Variants in CLTA observed in about 807,000 individuals in gnomAD.
The protein encoded by CLTA is clathrin, light polypeptide (Lca).
In CLTA, 9 loss-of-function variants were observed where a neutral mutation model predicts 26.9. That is an observed-to-expected ratio of 0.33 (90% CI 0.20 to 0.58). The LOEUF is 0.58. CLTA is among the 20% of genes least tolerant of loss of function. CLTA has a pLI of 0.85. For missense variants in CLTA, 278 were observed against 294.2 expected, an observed-to-expected ratio of 0.94 and a Z score of 0.40; for synonymous variants, 120 against 115.5, an observed-to-expected ratio of 1.04 and a Z score of -0.25.
Position 36,210,701 on chromosome 9 carries a change from A to G in CLTA, c.486-902A>G, listed in dbSNP as rs778459238. On this transcript the variant is annotated intron_variant, in intron 4 of 4. Transcript: ENST00000345519. ...CTCACTGCCCCTAACTGTGTGTGCC[A>G]TGAAGTCGCAGTGTTGTAGTGGCTC... The G allele has an allele frequency of 1.1e-5, 18 of 1,612,956 alleles. No homozygotes were observed. In the Middle Eastern group the frequency reaches 5.0e-4, roughly 44 times the overall value.
intron 4 of CLTA, among the ~76,000 whole-genome samples, chr9:36,208,660 A>G (rs1827857246): frequency 6.6e-6 from 1 of 152,168 alleles, no homozygotes; most frequent in South Asian, 2.1e-4. Flanking sequence ...CCAAGATAAA[A>G]CTGGCTTTGG....
At position 36,191,023 on chromosome 9, in the gene CLTA, C is replaced by T; in HGVS notation, c.-34C>T. The stretch of plus-strand genomic sequence containing the variant: ...TCGGTGGGTCGGTTGGTTTTTGTCT[C>T]ACCGTTGGTGTCCGTGCCGTTCAGT... On this transcript the variant is annotated 5_prime_UTR_variant, in exon 1 of 5. Transcript: ENST00000345519. The T allele has an allele frequency of 6.7e-7, 1 of 1,492,312 alleles. No individual in the cohort carries two copies. Among genetic ancestry groups the T allele is most frequent in the Middle Eastern group, 1.8e-4 (1 of 5,564 alleles). The allele number at this position is 1,492,312 out of a possible 1,614,324, so 92.4% of individuals were successfully genotyped here. A position where few individuals can be genotyped will look rare whatever the true frequency, so the allele number is the denominator to read the frequency against.
chr9:36,193,890 G>A (rs1414048296), intron 1 of CLTA, among the ~76,000 whole-genome samples: 3 of 152,178 alleles, frequency 2.0e-5, no homozygotes, highest in Admixed American at 6.6e-5. Context: ...CAGCTGTGGG[G>A]GATATTGAGG....
chr9:36,194,441 A>C (rs1459945302), intron 1 of CLTA, among the ~76,000 whole-genome samples: 2 of 152,254 alleles, frequency 1.3e-5, no homozygotes, highest in Non-Finnish European at 2.9e-5. Context: ...AATCTCATGC[A>C]TGATAGTTAA....
intron 4 of CLTA, chr9:36,210,450 C>T (rs1054804673): frequency 1.6e-5 from 6 of 368,232 alleles, no homozygotes; most frequent in Non-Finnish European, 2.3e-5. Flanking sequence ...CTGGAAAGGT[C>T]GAGTCTGGTT....
intron 1 of CLTA, among the ~76,000 whole-genome samples, chr9:36,191,625 TTA>T (rs1237505317): frequency 1.3e-5 from 2 of 152,166 alleles, no homozygotes; most frequent in East Asian, 3.9e-4. Context: ...TTTTCCAGAC[TTA>T]TAAGCTTATA....
chr9:36,207,935 G>C (rs974761056), intron 4 of CLTA, among the ~76,000 whole-genome samples: 3 of 151,994 alleles, frequency 2.0e-5, no homozygotes, highest in African/African-American at 7.3e-5. Flanking sequence ...AAACAACTCT[G>C]TTTTCCTGCT....
At chr9:36,191,321 G>T in intron 1 of CLTA, 48 bp downstream of exon 1, 1 of 1,463,104 alleles carries the variant, frequency 6.8e-7, no homozygotes, top group Non-Finnish European at 9.0e-7. Context: ...CTGGAAACTC[G>T]GTCCACAGTG....
At chr9:36,204,801 A>G (rs1048571179) in intron 4 of CLTA, among the ~76,000 whole-genome samples, 2 of 152,088 alleles carry the variant, frequency 1.3e-5, no homozygotes, top group African/African-American at 2.4e-5. Flanking sequence ...TCATATCACT[A>G]CTCACCAGCA....
At chr9:36,197,262 C>T (rs1490151458) in intron 1 of CLTA, among the ~76,000 whole-genome samples, 3 of 152,146 alleles carry the variant, frequency 2.0e-5, no homozygotes, top group Non-Finnish European at 4.4e-5. Flanking sequence ...TAGAGAAACA[C>T]TGTTCTCTTT....
At chr9:36,198,662 C>T (rs1827197131) in intron 2 of CLTA, among the ~76,000 whole-genome samples, 1 of 142,584 alleles carries the variant, frequency 7.0e-6, no homozygotes, top group Non-Finnish European at 1.5e-5. Flanking sequence ...GTCTGGGTGA[C>T]AGAGTAAGAC....
chr9:36,199,111 CTG>C lies in CLTA; in HGVS notation c.373+19_373+20del, dbSNP rs769299828. On this transcript the variant is annotated intron_variant, in intron 3 of 4. Transcript: ENST00000345519. ...GGAAGCCCTTGGTAAGGAATCCCTT[CTG>C]TGTTTTGGTGTCTGTTTTCAGTGGA... The C allele has an allele frequency of 9.1e-6, 14 of 1,546,364 alleles. No individual in the cohort carries two copies. Among genetic ancestry groups the C allele is most frequent in the Non-Finnish European group, 1.2e-5 (13 of 1,118,670 alleles).
rs757855763 is a variant in CLTA, at chr9:36,211,723, C to T, written c.606C>T (p.Ser202=). The part of the protein sequence containing the change: ...PKSSKQAKDV[S]RMRSVLISLK... Reference sequence around the variant, plus strand: ...CTAGCAAGCAGGCCAAAGATGTCTCCCGCATGCGCTCAGTCCTCATCTCCC... The same window carrying T: ...CTAGCAAGCAGGCCAAAGATGTCTCTCGCATGCGCTCAGTCCTCATCTCCC... The change falls in exon 5 of 5, where the codon TCC becomes TCT. Residue 202 remains serine (S), a synonymous_variant. Coordinates refer to ENST00000345519, the MANE Select transcript of CLTA (RefSeq NM_001833.4). The T allele has an allele frequency of 4.3e-6, 7 of 1,613,954 alleles. No homozygotes were observed. Among genetic ancestry groups the T allele is most frequent in the Non-Finnish European group, 5.1e-6 (6 of 1,179,964 alleles).
At chr9:36,211,468 A>G in intron 4 of CLTA, 135 bp from the exon 5 acceptor site, 1 of 1,208,210 alleles carries the variant, frequency 8.3e-7, no homozygotes, top group Non-Finnish European at 1.2e-6. Context: ...GACCTGGGCC[A>G]GGGGCTGTTA....
At chr9:36,194,927 C>G (rs574607670) in intron 1 of CLTA, among the ~76,000 whole-genome samples, 7 of 152,140 alleles carry the variant, frequency 4.6e-5, no homozygotes, top group South Asian at 2.1e-4. Flanking sequence ...TCTGGAGGAG[C>G]CTTCAGACAG....
intron 4 of CLTA, among the ~76,000 whole-genome samples, chr9:36,209,747 C>T (rs1181150878): frequency 2.0e-5 from 3 of 152,160 alleles, no homozygotes; most frequent in East Asian, 3.9e-4. Flanking sequence ...AGCCAGTGAG[C>T]AGCAGCACCT....
chr9:36,208,424 G>A (rs1000031030), intron 4 of CLTA, among the ~76,000 whole-genome samples: 4 of 152,176 alleles, frequency 2.6e-5, no homozygotes, highest in Non-Finnish European at 2.9e-5. Flanking sequence ...TGAGTCTGGT[G>A]TAAAAATATT....
chr9:36,192,888 A>T (rs1194527894), intron 1 of CLTA, among the ~76,000 whole-genome samples: 1 of 152,188 alleles, frequency 6.6e-6, no homozygotes, highest in East Asian at 1.9e-4. Flanking sequence ...AGAACCCAAG[A>T]TCTGTAGTTG....
intron 2 of CLTA, among the ~76,000 whole-genome samples, chr9:36,197,823 A>T (rs1359534737): frequency 6.6e-6 from 1 of 152,194 alleles, no homozygotes; most frequent in Non-Finnish European, 1.5e-5. Context: ...ATTCTAAAGA[A>T]ATCACCATTC....
Sources: gnomAD v4.1 joint callset for allele counts (sites outside exome capture counted in the v4.1 genomes callset) on GRCh38, gnomAD v4.1.1 for gene constraint, MANE v1.5 for transcripts, NCBI Gene and HGNC (gene_info 2026-07-23, HGNC 2026-07-21) for gene names.